MAGI2: variants seen among roughly 807,000 people sequenced by gnomAD.
The protein encoded by MAGI2 is membrane-associated guanylate kinase, WW and PDZ domain-containing protein 2.
A neutral mutation model predicts 133.3 loss-of-function variants in MAGI2; 35 were observed. The observed-to-expected ratio is 0.26, with a 90% CI of 0.20 to 0.35. MAGI2 has a LOEUF of 0.35. Ranked by LOEUF, MAGI2 falls within the 10% of genes least tolerant of loss-of-function variation. The pLI is 1.00. For missense variants in MAGI2, 1,636 were observed against 1,863.4 expected, an observed-to-expected ratio of 0.88 and a Z score of 2.25; for synonymous variants, 729 against 710.6, an observed-to-expected ratio of 1.03 and a Z score of -0.41.
chr7:78,023,694 G>A (rs1233259235), intron 21 of MAGI2, among the ~76,000 whole-genome samples: 1 of 152,152 alleles, frequency 6.6e-6, no homozygotes, highest in Non-Finnish European at 1.5e-5. Flanking sequence ...CTACCCTGGT[G>A]AAACTGCTCT....
intron 3 of MAGI2, among the ~76,000 whole-genome samples, chr7:78,566,292 C>T (rs1800934278): frequency 6.6e-6 from 1 of 152,084 alleles, no homozygotes; most frequent in African/African-American, 2.4e-5. Context: ...AAGGCTGGAA[C>T]AGATCCTGAA....
chr7:78,523,727 A>G (rs1796709062), intron 3 of MAGI2, among the ~76,000 whole-genome samples: 1 of 152,088 alleles, frequency 6.6e-6, no homozygotes, highest in African/African-American at 2.4e-5. Flanking sequence ...CACCACTATC[A>G]CCAGAACAGG....
intron 1 of MAGI2, among the ~76,000 whole-genome samples, chr7:79,184,277 C>G (rs1376188912): frequency 1.3e-5 from 2 of 151,202 alleles, no homozygotes; most frequent in Non-Finnish European, 3.0e-5. Context: ...TATTATTGGT[C>G]AATTAAAAAT....
intron 2 of MAGI2, among the ~76,000 whole-genome samples, chr7:78,723,358 C>G (rs374228883): frequency 6.6e-6 from 1 of 152,122 alleles, no homozygotes; most frequent in Non-Finnish European, 1.5e-5. Flanking sequence ...GGCCTGGGCC[C>G]TAACACATTT....
chr7:79,399,479 C>A (rs1845315497), intron 1 of MAGI2, among the ~76,000 whole-genome samples: 1 of 151,964 alleles, frequency 6.6e-6, no homozygotes, highest in Non-Finnish European at 1.5e-5. Context: ...TGCTTCACTG[C>A]CAGGGTTGTA....
At chr7:79,021,577 G>A (rs1809336652) in intron 1 of MAGI2, among the ~76,000 whole-genome samples, 1 of 152,192 alleles carries the variant, frequency 6.6e-6, no homozygotes, top group South Asian at 2.1e-4. Flanking sequence ...CCTTGTTTAG[G>A]CCAATTTCTC....
chr7:79,088,928 C>A (rs1158456524), intron 1 of MAGI2, among the ~76,000 whole-genome samples: 1 of 151,934 alleles, frequency 6.6e-6, no homozygotes, highest in Non-Finnish European at 1.5e-5. Flanking sequence ...GCAATGGCAA[C>A]AAAAGCCAAA....
intron 2 of MAGI2, among the ~76,000 whole-genome samples, chr7:78,981,312 T>C (rs1033628652): frequency 5.9e-5 from 9 of 151,672 alleles, no homozygotes; most frequent in Non-Finnish European, 1.3e-4. Flanking sequence ...AACTTCCCTT[T>C]CATAGTTTTC....
intron 2 of MAGI2, among the ~76,000 whole-genome samples, chr7:78,738,540 T>C (rs1437764167): frequency 1.3e-5 from 2 of 152,160 alleles, no homozygotes; most frequent in African/African-American, 2.4e-5. Flanking sequence ...TAGTCTTTCC[T>C]GCCACAATAA....
chr7:79,419,839 CAT>C (rs1846814462), intron 1 of MAGI2, among the ~76,000 whole-genome samples: 1 of 151,974 alleles, frequency 6.6e-6, no homozygotes, highest in Admixed American at 6.6e-5. Context: ...TGACATAAAA[CAT>C]AAATTTAAGC....
At chr7:78,711,050 A>T (rs938194605) in intron 2 of MAGI2, among the ~76,000 whole-genome samples, 1 of 152,164 alleles carries the variant, frequency 6.6e-6, no homozygotes, top group Non-Finnish European at 1.5e-5. Context: ...GATGATCACA[A>T]CATCACTTGT....
chr7:78,301,209 T>G (rs927036621), intron 9 of MAGI2, among the ~76,000 whole-genome samples: 1 of 152,144 alleles, frequency 6.6e-6, no homozygotes, highest in Non-Finnish European at 1.5e-5. Flanking sequence ...AGCTTTAAGA[T>G]GCCAGACATA....
chr7:78,407,140 T>G (rs745387476), intron 6 of MAGI2, among the ~76,000 whole-genome samples: 55 of 152,166 alleles, frequency 3.6e-4, no homozygotes, highest in South Asian at 8.3e-4. Context: ...AAGTAAGTCT[T>G]CCACAAACTC....
At chr7:79,191,672 T>G (rs920904373) in intron 1 of MAGI2, among the ~76,000 whole-genome samples, 3 of 151,772 alleles carry the variant, frequency 2.0e-5, no homozygotes, top group African/African-American at 4.9e-5. Flanking sequence ...TTTCTACTTT[T>G]TAAATTCTTA....
intron 1 of MAGI2, among the ~76,000 whole-genome samples, chr7:79,394,144 T>A (rs2129154667): frequency 6.6e-6 from 1 of 152,238 alleles, no homozygotes; most frequent in South Asian, 2.1e-4. Flanking sequence ...CTCACCTGGT[T>A]CTATGCAGAC....
intron 2 of MAGI2, among the ~76,000 whole-genome samples, chr7:78,816,062 T>G (rs569682931): frequency 6.6e-6 from 1 of 152,278 alleles, no homozygotes; most frequent in South Asian, 2.1e-4. Flanking sequence ...AAATTAAAAG[T>G]GCTACTCGAG....
At chr7:79,373,064 T>C (rs899707996) in intron 1 of MAGI2, among the ~76,000 whole-genome samples, 2 of 151,952 alleles carry the variant, frequency 1.3e-5, no homozygotes, top group African/African-American at 4.8e-5. Flanking sequence ...CAGGAGAGAG[T>C]AATTTTTGGT....
intron 2 of MAGI2, among the ~76,000 whole-genome samples, chr7:78,758,690 C>T (rs1240470348): frequency 1.3e-5 from 2 of 152,182 alleles, no homozygotes; most frequent in Non-Finnish European, 2.9e-5. Context: ...CACATTGCCT[C>T]ATATCTGTGT....
intron 1 of MAGI2, among the ~76,000 whole-genome samples, chr7:79,099,260 C>T (rs928261661): frequency 2.0e-5 from 3 of 151,124 alleles, no homozygotes; most frequent in African/African-American, 7.3e-5. Flanking sequence ...ATCTATTATC[C>T]AAAAGAATAC....
Sources: gnomAD v4.1 joint callset for allele counts (sites outside exome capture counted in the v4.1 genomes callset) on GRCh38, gnomAD v4.1.1 for gene constraint, MANE v1.5 for transcripts, NCBI Gene and HGNC (gene_info 2026-07-23, HGNC 2026-07-21) for gene names.